The following ANKRD66 variants were observed in gnomAD, a reference collection of about 807,000 sequenced individuals.
ANKRD66 encodes the protein ankyrin repeat domain-containing protein 66.
Under a neutral mutation model 10.9 loss-of-function variants are expected in ANKRD66, and 10 were observed. That is an observed-to-expected ratio of 0.91 (90% CI 0.56 to 1.55). The LOEUF (loss-of-function observed/expected upper bound fraction) is 1.55, where lower values mean the gene tolerates loss of function less well. Among genes scored for constraint, ANKRD66 ranks in the 40% most tolerant of loss-of-function variants. The pLI, the probability that ANKRD66 is intolerant of heterozygous loss-of-function variation, is 0.00. For synonymous variants in ANKRD66, 85 were observed against 88.4 expected (o/e 0.96, Z 0.22); for missense variants, 252 against 242.9 (o/e 1.04, Z -0.25).
intron 1 of ANKRD66, among the ~76,000 whole-genome samples, chr6:46,747,330 C>T (rs1421373): frequency 0.51 from 77,408 of 152,004 alleles, 22,095 homozygotes; most frequent in African/African-American, 0.77. Context: ...TACCATAAAA[C>T]TGGATTCATT....
intron 1 of ANKRD66, among the ~76,000 whole-genome samples, chr6:46,749,550 T>TTTC (rs760188647): frequency 1.8e-5 from 1 of 57,038 alleles, no homozygotes; most frequent in Admixed American, 2.1e-4. Context: ...TCTCTTTTAT[T>TTTC]CCCCCCCCCC....
At position 46,751,596 on chromosome 6, in the gene ANKRD66, A is replaced by G. The variant is rs192424242; in HGVS notation, c.-12-341A>G. ...ACAGAATTACATGCAATTCTAGCTT[A>G]CTTACTAACTTACTTACTTACTAAC... On this transcript the variant is annotated intron_variant, in intron 2 of 4. Transcript: ENST00000565422. 6.6e-4 allele frequency among the ~76,000 whole-genome samples: 101 copies of G among 152,034 alleles called. 1 individual carries two copies. Among genetic ancestry groups the G allele is most frequent in the African/African-American group, 2.3e-3 (93 of 41,304 alleles).
At chr6:46,752,505 G>A (rs576815400) in intron 3 of ANKRD66, among the ~76,000 whole-genome samples, 1 of 152,316 alleles carries the variant, frequency 6.6e-6, no homozygotes, top group East Asian at 1.9e-4. Context: ...AAAGTGCTGG[G>A]ATTACAGGCG....
At chr6:46,747,061 A>T in intron 1 of ANKRD66, 71 bp downstream of exon 1, 1 of 1,451,718 alleles carries the variant, frequency 6.9e-7, no homozygotes, top group Non-Finnish European at 9.3e-7. Flanking sequence ...ATTAAAACTG[A>T]TATTTATTGA....
intron 3 of ANKRD66, among the ~76,000 whole-genome samples, chr6:46,752,594 T>C (rs1766295703): frequency 6.6e-6 from 1 of 152,206 alleles, no homozygotes; most frequent in Non-Finnish European, 1.5e-5. Context: ...CTTAAGCAAG[T>C]TATTTGATAT....
Position 46,752,055 on chromosome 6 carries a change from A to G in ANKRD66, c.107A>G (p.Asn36Ser), listed in dbSNP as rs1231843367. ...KILKKGLCDP[N>S]YKDVDWNDRT... ...TTGAAGAAAGGTCTCTGTGACCCAA[A>G]CTACAAAGATGTAGACTGGAATGAC... is the stretch of plus-strand genomic sequence containing the variant. The change falls in exon 3 of 5, where the codon AAC becomes AGC. Residue 36 changes from asparagine to serine, a missense_variant. Physicochemically the swap from Asn to Ser is conservative, Grantham distance 46. Transcript: ENST00000565422. 6.5e-7 allele frequency: 1 copy of G among 1,537,650 alleles called. No homozygotes were observed. The highest frequency in any genetic ancestry group is 2.0e-5 in the Admixed American group (1 of 48,888).
At chr6:46,748,228 T>C (rs189360399) in intron 1 of ANKRD66, among the ~76,000 whole-genome samples, 3 of 152,330 alleles carry the variant, frequency 2.0e-5, no homozygotes, top group African/African-American at 7.2e-5. Flanking sequence ...TTCAAGATTG[T>C]TTTCTTCTGG....
At chr6:46,748,837 A>C (rs911311010) in intron 1 of ANKRD66, among the ~76,000 whole-genome samples, 19 of 152,186 alleles carry the variant, frequency 1.2e-4, no homozygotes, top group African/African-American at 4.6e-4. Context: ...CTTTTCAGCC[A>C]CAAAGATATT....
At chr6:46,748,939 A>C (rs1417877736) in intron 1 of ANKRD66, among the ~76,000 whole-genome samples, 1 of 152,220 alleles carries the variant, frequency 6.6e-6, no homozygotes, top group African/African-American at 2.4e-5. Flanking sequence ...ACTAAATCAG[A>C]ATCTGCATTT....
chr6:46,749,326 G>A (rs142829688), intron 1 of ANKRD66, among the ~76,000 whole-genome samples: 1 of 152,234 alleles, frequency 6.6e-6, no homozygotes, highest in East Asian at 1.9e-4. Flanking sequence ...AAGTTCACTG[G>A]GATCTGAGCA....
chr6:46,752,542 G>C (rs1310740487), intron 3 of ANKRD66, among the ~76,000 whole-genome samples: 1 of 152,152 alleles, frequency 6.6e-6, no homozygotes, highest in Non-Finnish European at 1.5e-5. Context: ...GCCCCAGATG[G>C]AACATTTTAA....
chr6:46,756,803 T>C (rs993596691), intron 4 of ANKRD66: 6 of 152,232 alleles, frequency 3.9e-5, no homozygotes, highest in African/African-American at 1.4e-4. Flanking sequence ...TCTGATGCTA[T>C]TCTCTTTTAG....
Position 46,759,000 on chromosome 6 carries a change from T to G in ANKRD66, c.*79T>G. 7.2e-7 allele frequency: 1 copy of G among 1,397,920 alleles called. No homozygotes were observed. The allele number at this position is 1,397,920 out of a possible 1,614,324, so 86.6% of individuals were successfully genotyped here. On this transcript the variant is annotated 3_prime_UTR_variant, in exon 5 of 5. Coordinates refer to ENST00000565422, the MANE Select transcript of ANKRD66 (RefSeq NM_001162435.3). ...GCTGTTAGGCATGGTGGCCTTTCCATGACTTTACTCATAGACCCTTACCCA... is the reference window on the plus strand; with the variant it reads ...GCTGTTAGGCATGGTGGCCTTTCCAGGACTTTACTCATAGACCCTTACCCA...
rs1029098304 is a variant in ANKRD66 at position 46,751,840 on chromosome 6, G to A, written c.-12-97G>A. 1.5e-5 allele frequency: 19 copies of A among 1,241,682 alleles called. 1 individual carries two copies. Among genetic ancestry groups the A allele is most frequent in the South Asian group, 3.9e-5 (2 of 51,364 alleles). 76.9% of individuals were successfully genotyped at this position (1,241,682 alleles called of 1,614,324 possible). On this transcript the variant is annotated intron_variant, in intron 2 of 4. Coordinates refer to ENST00000565422, the MANE Select transcript of ANKRD66 (RefSeq NM_001162435.3). ...GGCAAACTGAGAGGCAAATGCATGC[G>A]GCAGGAAAGGAAATAAATGATACAG...
intron 1 of ANKRD66, among the ~76,000 whole-genome samples, chr6:46,748,433 C>T (rs1024607908): frequency 3.9e-5 from 6 of 152,054 alleles, no homozygotes; most frequent in South Asian, 2.1e-4. Flanking sequence ...GAAAGGCAAG[C>T]GAAAAACTTC....
intron 4 of ANKRD66, among the ~76,000 whole-genome samples, chr6:46,754,564 G>A (rs1187570199): frequency 1.3e-5 from 2 of 152,098 alleles, no homozygotes; most frequent in Non-Finnish European, 2.9e-5. Flanking sequence ...CGATTGTTTC[G>A]ACAAGCAATT....
At position 46,750,799 on chromosome 6, in the gene ANKRD66, A is replaced by G. The variant is rs548591945; in HGVS notation, c.-13+820A>G. 1.5e-4 allele frequency among the ~76,000 whole-genome samples: 23 copies of G among 151,566 alleles called. No individual in the cohort carries two copies. In the South Asian group the frequency reaches 2.1e-3, roughly 14 times the overall value. On this transcript the variant is annotated intron_variant, in intron 2 of 4. Transcript: ENST00000565422. ...GTGGATATTGTTTGATACTACAACA[A>G]TATTGTGTAAGTTGTAGTGTCTTAA...
At chr6:46,751,389 A>G (rs1453011091) in intron 2 of ANKRD66, among the ~76,000 whole-genome samples, 1 of 152,212 alleles carries the variant, frequency 6.6e-6, no homozygotes, top group Non-Finnish European at 1.5e-5. Context: ...ATTAATAACA[A>G]TTTTCACATA....
intron 1 of ANKRD66, 41 bp from the exon 2 acceptor site, chr6:46,749,855 T>C (rs750117997): frequency 5.9e-6 from 9 of 1,537,430 alleles, no homozygotes; most frequent in Middle Eastern, 1.7e-4. Flanking sequence ...ATTTAGGGCA[T>C]TGCATTTTAA....
Sources: gnomAD v4.1 joint callset for allele counts (sites outside exome capture counted in the v4.1 genomes callset) on GRCh38, gnomAD v4.1.1 for gene constraint, MANE v1.5 for transcripts, NCBI Gene and HGNC (gene_info 2026-07-23, HGNC 2026-07-21) for gene names.